DENND5A: variants seen among roughly 807,000 people sequenced by gnomAD.
DENND5A encodes DENN domain-containing protein 5A.
Under a neutral mutation model 140.3 loss-of-function variants are expected in DENND5A, and 64 were observed. The observed-to-expected ratio is 0.46, with a 90% confidence interval of 0.37 to 0.56. The LOEUF (loss-of-function observed/expected upper bound fraction) is 0.56, where lower values mean the gene tolerates loss of function less well. DENND5A is among the 20% of genes least tolerant of loss of function. DENND5A has a pLI of 0.00. For synonymous variants in DENND5A, 605 were observed against 607.7 expected (o/e 1.00, Z 0.07); for missense variants, 1,292 against 1,593.8 (o/e 0.81, Z 3.22).
intron 22 of DENND5A, among the ~76,000 whole-genome samples, chr11:9,141,222 T>C (rs1847227287): frequency 6.6e-6 from 1 of 152,252 alleles, no homozygotes; most frequent in South Asian, 2.1e-4. Context: ...AAATGTCTAA[T>C]GAAGGAATAA....
chr11:9,193,813 G>T (rs1849226197), intron 4 of DENND5A, 132 bp from the exon 5 acceptor site: 1 of 790,644 alleles, frequency 1.3e-6, no homozygotes, highest in Non-Finnish European at 2.0e-6. Context: ...TTCAGCTAGG[G>T]TATGCTCAAT....
In DENND5A at chr11:9,180,792, T is replaced by C; in HGVS notation, c.1430A>G (p.Lys477Arg). The C allele has an allele frequency of 1.9e-6, 3 of 1,614,174 alleles. No individual in the cohort carries two copies. Among genetic ancestry groups the C allele is most frequent in the Middle Eastern group, 1.6e-4 (1 of 6,062 alleles). Reference protein sequence around the residue: ...ETIARLQALVKRTGVSLEKLE... With the variant: ...ETIARLQALVRRTGVSLEKLE... ...CTTTTCCAGGCTCACCCCAGTTCTC[T>C]TGACCAAGGCTTGCAGCCGGGCAAT... is the stretch of plus-strand genomic sequence containing the variant. Residue 477 changes from lysine to arginine, a missense_variant, in exon 6 of 23, where the codon AAG (lysine) becomes AGG (arginine). Transcript: ENST00000328194.
intron 5 of DENND5A, among the ~76,000 whole-genome samples, chr11:9,184,529 A>G (rs1420899719): frequency 6.6e-6 from 1 of 152,224 alleles, no homozygotes; most frequent in African/African-American, 2.4e-5. Flanking sequence ...GCCTAGCTGT[A>G]TTCCAAAGTG....
At chr11:9,184,214 G>A (rs994964450) in intron 5 of DENND5A, among the ~76,000 whole-genome samples, 13 of 152,072 alleles carry the variant, frequency 8.5e-5, no homozygotes, top group South Asian at 2.1e-4. Flanking sequence ...TTAGCCGGGC[G>A]TGGTGGCGGG....
intron 6 of DENND5A, 151 bp downstream of exon 6, chr11:9,180,616 G>A (rs936734009): frequency 1.4e-6 from 1 of 730,584 alleles, no homozygotes; most frequent in African/African-American, 1.8e-5. Context: ...TCTGCCAGAT[G>A]GAATTCAGAG....
Position 9,147,134 on chromosome 11 carries a change from T to G in DENND5A, c.2753A>C (p.Tyr918Ser). The change falls in exon 16 of 23, where the codon TAT becomes TCT. Residue 918 changes from tyrosine to serine, a missense_variant. Physicochemically the swap from Tyr to Ser is moderately radical, Grantham distance 144. Coordinates refer to ENST00000328194, the MANE Select transcript of DENND5A (RefSeq NM_015213.4). ...HELTKKLYKR[Y>S]AFLRCDDEKE... ...CTCGTCATCACAGCGCAGGAAGGCA[T>G]AGCGCTTATATAACTTTCTGTTGGA... 6.2e-7 allele frequency: 1 copy of G among 1,614,044 alleles called. No individual in the cohort carries two copies. The highest frequency in any genetic ancestry group is 1.3e-5 in the African/African-American group (1 of 75,022).
At chr11:9,150,339 T>C (rs770305383) in intron 14 of DENND5A, 130 bp from the exon 15 acceptor site, 2 of 1,166,412 alleles carry the variant, frequency 1.7e-6, no homozygotes, top group Non-Finnish European at 2.4e-6. Flanking sequence ...CCTATCTCTA[T>C]ATTCTCCAAA....
chr11:9,204,516 A>G (rs1487394911), intron 3 of DENND5A, among the ~76,000 whole-genome samples, 199 bp from the exon 4 acceptor site: 1 of 152,242 alleles, frequency 6.6e-6, no homozygotes, highest in African/African-American at 2.4e-5. Context: ...AAGTATATGC[A>G]AAGTACTACA....
intron 13 of DENND5A, among the ~76,000 whole-genome samples, chr11:9,152,144 G>A (rs1237566969): frequency 3.3e-5 from 5 of 152,198 alleles, no homozygotes; most frequent in East Asian, 1.9e-4. Context: ...CTATCTTGCC[G>A]ATAAAAAGGG....
intron 4 of DENND5A, 168 bp downstream of exon 4, chr11:9,203,492 T>C: frequency 3.0e-6 from 2 of 659,046 alleles, no homozygotes; most frequent in Non-Finnish European, 5.0e-6. Flanking sequence ...TCAGAAATAC[T>C]GGCCCTCTCA....
chr11:9,171,542 A>C (rs1049276200), intron 8 of DENND5A: 6 of 152,332 alleles, frequency 3.9e-5, no homozygotes, highest in Middle Eastern at 3.4e-3. Context: ...GGACTCAAAT[A>C]GTAAAATTCA....
intron 4 of DENND5A, among the ~76,000 whole-genome samples, chr11:9,196,842 C>A (rs1307257058): frequency 2.0e-5 from 3 of 151,836 alleles, no homozygotes; most frequent in African/African-American, 7.3e-5. Context: ...AGCTTCTGAT[C>A]TCAAGTGATC....
intron 1 of DENND5A, among the ~76,000 whole-genome samples, chr11:9,221,965 G>A (rs761106542): frequency 2.0e-5 from 3 of 151,252 alleles, no homozygotes; most frequent in Non-Finnish European, 4.4e-5. Flanking sequence ...CACAGTGTTG[G>A]CCAGGATGGT....
chr11:9,154,236 A>T (rs1847729662), intron 12 of DENND5A, among the ~76,000 whole-genome samples: 1 of 152,204 alleles, frequency 6.6e-6, no homozygotes, highest in African/African-American at 2.4e-5. Flanking sequence ...TATTTTCTGT[A>T]GAGAAGAAGA....
rs1412140683 is a variant in DENND5A, at chr11:9,206,750, T to A, written c.214A>T (p.Thr72Ser). Residue 72 changes from threonine to serine, a missense_variant, in exon 3 of 23, where the codon ACA (threonine) becomes TCA (serine). Coordinates refer to ENST00000328194, the MANE Select transcript of DENND5A (RefSeq NM_015213.4). ...ENFEQTPLRR[T>S]FKSKVLARYP... ...CGTGCAAGGACCTTAGATTTGAATG[T>A]TCTTCTCAATGGTGTCTGCTCAAAA... is the stretch of plus-strand genomic sequence containing the variant. The A allele has an allele frequency of 6.2e-7, 1 of 1,613,874 alleles. No individual in the cohort carries two copies. Among genetic ancestry groups the A allele is most frequent in the Admixed American group, 1.7e-5 (1 of 60,004 alleles).
At chr11:9,183,460 A>G (rs1451964237) in intron 5 of DENND5A, among the ~76,000 whole-genome samples, 2 of 150,640 alleles carry the variant, frequency 1.3e-5, no homozygotes, top group Non-Finnish European at 3.0e-5. Flanking sequence ...TTTTTGAGAC[A>G]GAGTTTTGCT....
chr11:9,169,024 G>C (rs190191912), intron 10 of DENND5A, among the ~76,000 whole-genome samples: 153 of 152,130 alleles, frequency 1.0e-3, no homozygotes, highest in Admixed American at 3.0e-3. Context: ...CAAGAATCTT[G>C]GGTTTCCAGG....
intron 13 of DENND5A, 144 bp downstream of exon 13, chr11:9,152,214 G>A: frequency 5.8e-6 from 4 of 690,142 alleles, no homozygotes; most frequent in Non-Finnish European, 1.1e-5. Context: ...GGTTCAGAGA[G>A]TCTGGTGGCT....
intron 1 of DENND5A, among the ~76,000 whole-genome samples, chr11:9,261,260 G>A (rs1266808330): frequency 6.6e-6 from 1 of 152,178 alleles, no homozygotes; most frequent in Non-Finnish European, 1.5e-5. Context: ...CACTTTTTAA[G>A]AATGTAGATG....
Sources: gnomAD v4.1 joint callset for allele counts (sites outside exome capture counted in the v4.1 genomes callset) on GRCh38, gnomAD v4.1.1 for gene constraint, MANE v1.5 for transcripts, NCBI Gene and HGNC (gene_info 2026-07-23, HGNC 2026-07-21) for gene names.